Variants in SORBS2 observed in about 807,000 individuals in gnomAD.
SORBS2 encodes sorbin and SH3 domain containing 2.
A neutral mutation model predicts 97.7 loss-of-function variants in SORBS2; 46 were observed. That is an observed-to-expected ratio of 0.47 (90% CI 0.37 to 0.60). The LOEUF is 0.60. SORBS2 is among the 20% of genes least tolerant of loss of function. The pLI, the probability that SORBS2 is intolerant of heterozygous loss-of-function variation, is 0.00. For synonymous variants in SORBS2, 476 were observed against 473.4 expected (o/e 1.01, Z -0.07); for missense variants, 1,316 against 1,282.3 (o/e 1.03, Z -0.40).
At chr4:185,943,001 T>C (rs541057122) in intron 1 of SORBS2, among the ~76,000 whole-genome samples, 130 of 152,340 alleles carry the variant, frequency 8.5e-4, no homozygotes, top group African/African-American at 3.1e-3. Context: ...GAAAATAAAT[T>C]CCACAGATAA....
chr4:185,602,899 ACT>A (rs1580710173), intron 12 of SORBS2, among the ~76,000 whole-genome samples: 1 of 152,230 alleles, frequency 6.6e-6, no homozygotes, highest in African/African-American at 2.4e-5. Flanking sequence ...GTTTAAAAAA[ACT>A]CAGTGGGAGA....
At chr4:185,601,469 G>A (rs1256256201) in intron 12 of SORBS2, among the ~76,000 whole-genome samples, 1 of 152,180 alleles carries the variant, frequency 6.6e-6, no homozygotes, top group African/African-American at 2.4e-5. Flanking sequence ...GACCCATAGC[G>A]GAAGCTTCTC....
chr4:185,854,966 T>C (rs1441244967), intron 1 of SORBS2, among the ~76,000 whole-genome samples: 2 of 152,224 alleles, frequency 1.3e-5, no homozygotes, highest in Non-Finnish European at 2.9e-5. Flanking sequence ...GCATTTTATA[T>C]ACACACATTT....
At chr4:185,864,083 A>T (rs1288996714) in intron 1 of SORBS2, among the ~76,000 whole-genome samples, 1 of 152,202 alleles carries the variant, frequency 6.6e-6, no homozygotes, top group African/African-American at 2.4e-5. Context: ...GTTAATTTTA[A>T]CTCTCTTATC....
In SORBS2 at chr4:185,606,085, A is replaced by G. The variant is rs1365121971; in HGVS notation, c.2796+5695T>C. On this transcript the variant is annotated intron_variant, in intron 12 of 14. Transcript: ENST00000418609. The surrounding 1 kb of genome is among the most constrained non-coding windows in gnomAD (Gnocchi z 4.3). ...TTTTCTGTTGTCTTTGTTTATTATT[A>G]GCATTATTATTTTTGCAAAGTGCCG... 2.0e-6 allele frequency: 2 copies of G among 985,120 alleles called. No homozygotes were observed. The highest frequency in any genetic ancestry group is 6.1e-5 in the Admixed American group (1 of 16,266). 61.0% of individuals were successfully genotyped at this position (985,120 alleles called of 1,614,324 possible). A position where few individuals can be genotyped will look rare whatever the true frequency, so the allele number is the denominator to read the frequency against.
chr4:185,748,636 C>T (rs2098779486), intron 2 of SORBS2, among the ~76,000 whole-genome samples: 1 of 152,196 alleles, frequency 6.6e-6, no homozygotes, highest in Non-Finnish European at 1.5e-5. Context: ...GCAGTTTTGC[C>T]ATTAGTGGCA....
At chr4:185,649,621 G>A in exon 3 of SORBS2, 5 of 1,576,848 alleles carry the variant, frequency 3.2e-6, no homozygotes, top group Non-Finnish European at 4.3e-6. Flanking sequence ...TTTGCAGCAG[G>A]GTGTGACTGA....
chr4:185,932,408 A>G (rs912024502), intron 1 of SORBS2, among the ~76,000 whole-genome samples: 1 of 151,672 alleles, frequency 6.6e-6, no homozygotes, highest in Non-Finnish European at 1.5e-5. Context: ...TGATTCGATG[A>G]TAGTCTTACT....
Position 185,665,934 on chromosome 4 carries a change from G to A in SORBS2, c.-45-3692C>T. 5 of 1,224,424 alleles carry A rather than the reference G, an allele frequency of 4.1e-6. No homozygotes were observed. In the South Asian group the frequency reaches 4.3e-5, roughly 11 times the overall value. 75.8% of individuals were successfully genotyped at this position (1,224,424 alleles called of 1,614,324 possible). The stretch of plus-strand genomic sequence containing the variant: ...AGTCTGTTGTCAGAGAGCCTGTGTC[G>A]TGGCTGTGGATGAGGCTTTCTGGAG... On this transcript the variant is annotated intron_variant, in intron 4 of 20. Transcript: ENST00000284776.
intron 2 of SORBS2, chr4:185,709,884 C>G (rs1223604723): frequency 1.4e-5 from 2 of 141,932 alleles, no homozygotes; most frequent in East Asian, 4.1e-4. Flanking sequence ...TAAGACTAGT[C>G]AAGTGCAGTA....
In SORBS2 at chr4:185,704,401, C is replaced by A; in HGVS notation, c.-197-25579G>T. 1.3e-5 allele frequency among the ~76,000 whole-genome samples: 2 copies of A among 151,494 alleles called. 1 individual carries two copies. The highest frequency in any genetic ancestry group is 4.9e-5 in the African/African-American group (2 of 40,812). On this transcript the variant is annotated intron_variant, in intron 2 of 20. Transcript: ENST00000284776. ...TGGCGTGATCTCGGCTCACTGCAACCTCTGCCTCCCAGGTTCAAGCTCTTC... is the reference window on the plus strand; with the variant it reads ...TGGCGTGATCTCGGCTCACTGCAACATCTGCCTCCCAGGTTCAAGCTCTTC...
intron 1 of SORBS2, among the ~76,000 whole-genome samples, chr4:185,881,167 G>A (rs1016806438): frequency 1.4e-4 from 22 of 152,086 alleles, no homozygotes; most frequent in African/African-American, 5.3e-4. Context: ...TAAAACTAGG[G>A]GAGATTGTAG....
intron 1 of SORBS2, among the ~76,000 whole-genome samples, chr4:185,842,790 C>T (rs1245112620): frequency 2.0e-5 from 3 of 151,896 alleles, no homozygotes; most frequent in Non-Finnish European, 2.9e-5. Flanking sequence ...AAAAAATTAG[C>T]CAGGCATGGT....
chr4:185,848,836 G>A (rs575183551), intron 1 of SORBS2, among the ~76,000 whole-genome samples: 3 of 151,840 alleles, frequency 2.0e-5, no homozygotes, highest in African/African-American at 7.2e-5. Flanking sequence ...GCTGGGTTCA[G>A]TACTGTTTCA....
rs899779540 is a variant in SORBS2 at position 185,638,881 on chromosome 4, G to A, written c.396+7787C>T. 1.0e-5 allele frequency: 15 copies of A among 1,473,404 alleles called. No homozygotes were observed. In the African/African-American group the frequency reaches 1.9e-4, roughly 19 times the overall value. The allele number at this position is 1,473,404 out of a possible 1,614,324, so 91.3% of individuals were successfully genotyped here. ...GTAAGGAAGGAAGGAGCTCACCCGG[G>A]TGGGAGACAGAGCCGGGGCGCGCGA... is the stretch of plus-strand genomic sequence containing the variant. On this transcript the variant is annotated intron_variant, in intron 4 of 14. Coordinates refer to ENST00000418609, the Ensembl canonical transcript of SORBS2.
chr4:185,618,866 T>C (rs1375264774), intron 8 of SORBS2, among the ~76,000 whole-genome samples: 2 of 152,124 alleles, frequency 1.3e-5, no homozygotes, highest in Non-Finnish European at 2.9e-5. Context: ...GGAACTAAGG[T>C]AGATTAATGT....
chr4:185,675,686 C>T (rs1300068187), intron 4 of SORBS2, among the ~76,000 whole-genome samples: 1 of 152,118 alleles, frequency 6.6e-6, no homozygotes, highest in African/African-American at 2.4e-5. Flanking sequence ...GCAACAGTGC[C>T]TGCATAGAGT....
chr4:185,904,259 G>A (rs150100463), intron 1 of SORBS2, among the ~76,000 whole-genome samples: 1 of 152,340 alleles, frequency 6.6e-6, no homozygotes, highest in Admixed American at 6.5e-5. Flanking sequence ...CTTCGTCTGT[G>A]TGCGGGAAGG....
At chr4:185,949,499 G>T (rs541057155) in intron 1 of SORBS2, among the ~76,000 whole-genome samples, 11 of 152,000 alleles carry the variant, frequency 7.2e-5, no homozygotes, top group African/African-American at 2.7e-4. Context: ...TGCAGTCGGG[G>T]TTTTAACTAA....
Sources: gnomAD v4.1 joint callset for allele counts (sites outside exome capture counted in the v4.1 genomes callset) on GRCh38, gnomAD v4.1.1 for gene constraint, Gnocchi (gnomAD v3.1) non-coding constraint, MANE v1.5 for transcripts, NCBI Gene and HGNC (gene_info 2026-07-23, HGNC 2026-07-21) for gene names.